The following HEATR5B variants were observed in gnomAD, a reference collection of about 807,000 sequenced individuals.
The protein encoded by HEATR5B is HEAT repeat-containing protein 5B.
Under a neutral mutation model 224.1 loss-of-function variants are expected in HEATR5B, and 156 were observed. That is an observed-to-expected ratio of 0.70 (90% CI 0.61 to 0.80). HEATR5B has a LOEUF of 0.80. HEATR5B is among the 30% of genes least tolerant of loss of function. The pLI is 0.00. For missense variants in HEATR5B, 2,323 were observed against 2,535.5 expected (o/e 0.92, Z 1.80); for synonymous variants, 1,027 against 893.0 (o/e 1.15, Z -2.68).
chr2:37,005,689 C>T lies in HEATR5B; in HGVS notation c.4848G>A (p.Gln1616=), dbSNP rs765350195. ...EPIEHVTACL[Q]ALHTLLDSPY... is the part of the protein sequence containing the mutation. ...GGGAGTCTAGCAAGGTATGTAAGGC[C>T]TGCAGGCATGCTGTAACATGTTCAA... Residue 1616 remains glutamine (Q), a synonymous_variant, in exon 30 of 36, where the codon CAG becomes CAA. Transcript: ENST00000233099. The T allele has an allele frequency of 6.2e-7, 1 of 1,612,836 alleles. No homozygotes were observed. The highest frequency in any genetic ancestry group is 8.5e-7 in the Non-Finnish European group (1 of 1,179,016).
intron 10 of HEATR5B, among the ~76,000 whole-genome samples, chr2:37,063,400 G>A (rs547715476): frequency 7.9e-5 from 12 of 152,196 alleles, no homozygotes; most frequent in South Asian, 2.1e-4. Flanking sequence ...AATGAACGGC[G>A]GAATGAAGTC....
chr2:36,998,379 TAA>T (rs1666865960), intron 33 of HEATR5B, among the ~76,000 whole-genome samples: 1 of 152,160 alleles, frequency 6.6e-6, no homozygotes, highest in Admixed American at 6.5e-5. Context: ...ACAGCAAAAT[TAA>T]AAAGTCTAAC....
intron 9 of HEATR5B, among the ~76,000 whole-genome samples, 156 bp from the exon 10 acceptor site, chr2:37,065,146 T>C (rs1671513662): frequency 6.6e-6 from 1 of 152,168 alleles, no homozygotes; most frequent in East Asian, 1.9e-4. Context: ...AGTAGAGTAC[T>C]TCAAAGGAAC....
intron 24 of HEATR5B, among the ~76,000 whole-genome samples, chr2:37,026,424 A>G (rs1668778160): frequency 6.6e-6 from 1 of 152,240 alleles, no homozygotes; most frequent in African/African-American, 2.4e-5. Flanking sequence ...TAATGCCACC[A>G]GTCTCTTCTA....
chr2:37,027,834 T>C, intron 24 of HEATR5B, 89 bp downstream of exon 24: 3 of 1,333,354 alleles, frequency 2.2e-6, no homozygotes, highest in Non-Finnish European at 1.1e-6. Context: ...TAAAGCACGC[T>C]ATATCTGTCG....
intron 14 of HEATR5B, 136 bp from the exon 15 acceptor site, chr2:37,057,616 A>G (rs1670993920): frequency 3.6e-6 from 2 of 560,422 alleles, no homozygotes; most frequent in Non-Finnish European, 6.1e-6. Context: ...AAAAAAATCT[A>G]TATTTAAATG....
At position 37,059,464 on chromosome 2, in the gene HEATR5B, AT is replaced by A. The variant is rs35615621; in HGVS notation, c.1850-478del. Among the ~76,000 whole-genome samples, 450 of 65,800 alleles carry A rather than the reference AT, an allele frequency of 6.8e-3. 3 individuals are homozygous for A. The highest frequency in any genetic ancestry group is 0.023 in the Middle Eastern group (2 of 86). 43.2% of individuals were successfully genotyped at this position (65,800 alleles called of 152,430 possible). ...TGTGTGTGTATATATATATATATATATTTTTTTTTTTTTTTTTTTGAGAGAG... is the reference window on the plus strand; with the variant it reads ...TGTGTGTGTATATATATATATATATATTTTTTTTTTTTTTTTTTGAGAGAG... On this transcript the variant is annotated intron_variant, in intron 12 of 35. Coordinates refer to ENST00000233099, the MANE Select transcript of HEATR5B (RefSeq NM_019024.3).
chr2:37,005,081 C>A (rs556473084), intron 30 of HEATR5B, among the ~76,000 whole-genome samples: 2 of 152,310 alleles, frequency 1.3e-5, no homozygotes, highest in South Asian at 4.1e-4. Flanking sequence ...ATCAAGAAAC[C>A]TTCATGATTT....
chr2:37,008,911 G>T, intron 27 of HEATR5B, 63 bp from the exon 28 acceptor site: 2 of 1,023,660 alleles, frequency 2.0e-6, no homozygotes, highest in East Asian at 2.4e-5. Context: ...GATATTTTAC[G>T]TTATTATAAA....
intron 33 of HEATR5B, among the ~76,000 whole-genome samples, chr2:36,992,726 T>C (rs984864541): frequency 6.6e-6 from 1 of 152,194 alleles, no homozygotes; most frequent in African/African-American, 2.4e-5. Context: ...TTTATATTCA[T>C]TTTTTAAAAA....
intron 10 of HEATR5B, 63 bp from the exon 11 acceptor site, chr2:37,062,113 T>C (rs1671318263): frequency 1.0e-6 from 1 of 973,332 alleles, no homozygotes; most frequent in Non-Finnish European, 1.7e-6. Flanking sequence ...AGGAAACAGA[T>C]AACTAGCATA....
At position 37,040,454 on chromosome 2, in the gene HEATR5B, A is replaced by C; in HGVS notation, c.2921T>G (p.Val974Gly). 6.2e-7 allele frequency: 1 copy of C among 1,614,072 alleles called. No individual in the cohort carries two copies. The highest frequency in any genetic ancestry group is 8.5e-7 in the Non-Finnish European group (1 of 1,179,952). ...DSSGPMYRGY[V>G]EPTLSLVLTL... ...AAGAACTAGAGATAATGTTGGTTCC[A>C]CATAGCCACGATACATCGGACCACT... is the stretch of plus-strand genomic sequence containing the variant. Residue 974 changes from valine (V) to glycine (G), a missense_variant, in exon 20 of 36, where the codon GTG becomes GGG. By Grantham distance (109) the Val-to-Gly change is moderately radical (BLOSUM62 -3). Around this residue, in one of 12 missense-constraint regions of HEATR5B, gnomAD observed 44 missense variants for 39.0 expected, o/e 1.13. Coordinates refer to ENST00000233099, the MANE Select transcript of HEATR5B (RefSeq NM_019024.3).
At chr2:37,012,334 C>T (rs1667837559) in intron 27 of HEATR5B, among the ~76,000 whole-genome samples, 1 of 152,108 alleles carries the variant, frequency 6.6e-6, no homozygotes, top group South Asian at 2.1e-4. Flanking sequence ...TGTAGCAGAA[C>T]CTTTGTGCAT....
At chr2:37,027,824 TA>T in intron 24 of HEATR5B, 98 bp downstream of exon 24, 1 of 1,254,404 alleles carries the variant, frequency 8.0e-7, no homozygotes, top group Non-Finnish European at 1.1e-6. Flanking sequence ...TGGCATATTC[TA>T]AAGCACGCTA....
At chr2:37,007,617 G>T (rs1371343212) in intron 28 of HEATR5B, among the ~76,000 whole-genome samples, 1 of 152,172 alleles carries the variant, frequency 6.6e-6, no homozygotes, top group Non-Finnish European at 1.5e-5. Flanking sequence ...TTACAGGCAT[G>T]TGCCACTGCA....
chr2:37,063,270 T>G (rs1263690135), intron 10 of HEATR5B, among the ~76,000 whole-genome samples: 1 of 152,080 alleles, frequency 6.6e-6, no homozygotes, highest in Non-Finnish European at 1.5e-5. Flanking sequence ...TTAAATTTGG[T>G]GCAGCTGAAT....
intron 22 of HEATR5B, among the ~76,000 whole-genome samples, chr2:37,030,415 T>C (rs1243997355): frequency 1.3e-5 from 2 of 152,220 alleles, no homozygotes; most frequent in African/African-American, 2.4e-5. Flanking sequence ...TGTTAACGGC[T>C]ATGCAGCAAA....
At chr2:37,048,810 T>C (rs2148519393) in intron 18 of HEATR5B, among the ~76,000 whole-genome samples, 1 of 152,292 alleles carries the variant, frequency 6.6e-6, no homozygotes, top group African/African-American at 2.4e-5. Flanking sequence ...AAATAACGAA[T>C]CAAATTGCCA....
At chr2:37,030,985 T>C (rs1417698548) in intron 22 of HEATR5B, among the ~76,000 whole-genome samples, 1 of 152,226 alleles carries the variant, frequency 6.6e-6, no homozygotes, top group Non-Finnish European at 1.5e-5. Flanking sequence ...TCCTTCTGAG[T>C]CCGAACTTTT....
Sources: gnomAD v4.1 joint callset for allele counts (sites outside exome capture counted in the v4.1 genomes callset) on GRCh38, gnomAD v4.1.1 for gene constraint, gnomAD v4.1.1 regional missense constraint, MANE v1.5 for transcripts, NCBI Gene and HGNC (gene_info 2026-07-23, HGNC 2026-07-21) for gene names.